The following WNT2B variants were observed in gnomAD, a reference collection of about 807,000 sequenced individuals.
WNT2B encodes protein Wnt-2b.
WNT2B carries 19 observed loss-of-function variants against 40.5 expected under a neutral mutation model. The ratio of observed to expected loss-of-function variants is 0.47; its 90% CI spans 0.33 to 0.69. WNT2B has a LOEUF of 0.69. WNT2B is among the 30% of genes least tolerant of loss of function. The pLI is 0.02. For synonymous variants in WNT2B, 220 were observed against 211.9 expected, an observed-to-expected ratio of 1.04 and a Z score of -0.33; for missense variants, 467 against 556.4, an observed-to-expected ratio of 0.84 and a Z score of 1.62.
chr1:112,497,572 T>A (rs2101070393), intron 1 of WNT2B, among the ~76,000 whole-genome samples: 1 of 152,356 alleles, frequency 6.6e-6, no homozygotes, highest in South Asian at 2.1e-4. Flanking sequence ...AAGCCTGTGA[T>A]GGGCACAACA....
intron 1 of WNT2B, among the ~76,000 whole-genome samples, chr1:112,479,282 A>C (rs1407587761): frequency 6.6e-6 from 1 of 151,666 alleles, no homozygotes; most frequent in African/African-American, 2.4e-5. Flanking sequence ...ATAAGACAAA[A>C]ATTTGCAGGG....
chr1:112,470,602 A>ATAAG (rs1405496347), intron 1 of WNT2B, among the ~76,000 whole-genome samples: 14 of 152,212 alleles, frequency 9.2e-5, no homozygotes, highest in African/African-American at 3.4e-4. Context: ...AAATAAATAA[A>ATAAG]TAATAAATCA....
At position 112,523,793 on chromosome 1, in the gene WNT2B, A is replaced by G. The variant is rs1452021196; in HGVS notation, c.*3284A>G. ...ACATACTATATATTTTAAGGATCTAAGAATCCTTTAGAGAAGGCACATGAC... is the reference window on the plus strand; with the variant it reads ...ACATACTATATATTTTAAGGATCTAGGAATCCTTTAGAGAAGGCACATGAC... On this transcript the variant is annotated 3_prime_UTR_variant, in exon 5 of 5. Coordinates refer to ENST00000369684, the MANE Select transcript of WNT2B (RefSeq NM_024494.3). 1.3e-5 allele frequency: 2 copies of G among 152,220 alleles called. No individual in the cohort carries two copies. The highest frequency in any genetic ancestry group is 1.3e-4 in the Admixed American group (2 of 15,284). 9.4% of individuals were successfully genotyped at this position (152,220 alleles called of 1,614,324 possible).
chr1:112,508,111 C>G (rs1652181572), upstream of WNT2B, among the ~76,000 whole-genome samples: 1 of 152,036 alleles, frequency 6.6e-6, no homozygotes, highest in East Asian at 1.9e-4. This position sits in a 1 kb window ranked among gnomAD's most constrained non-coding sequence, Gnocchi z 4.2. Flanking sequence ...AGGGCTTCCA[C>G]TCTCTCGGCA....
intron 1 of WNT2B, among the ~76,000 whole-genome samples, chr1:112,490,081 T>TA (rs1243787303): frequency 6.6e-6 from 1 of 152,074 alleles, no homozygotes; most frequent in African/African-American, 2.4e-5. Context: ...GGATGCCTAT[T>TA]ACCAGGGGAA....
At chr1:112,483,913 G>A (rs868204196) in intron 1 of WNT2B, among the ~76,000 whole-genome samples, 1 of 150,572 alleles carries the variant, frequency 6.6e-6, no homozygotes. Context: ...GAAATCATCG[G>A]AGAAATGCAA....
chr1:112,499,602 A>G (rs560719424), intron 1 of WNT2B, among the ~76,000 whole-genome samples: 1 of 152,336 alleles, frequency 6.6e-6, no homozygotes, highest in East Asian at 1.9e-4. Flanking sequence ...ACACCCATTC[A>G]TTAAACTCTC....
chr1:112,484,319 A>G (rs1651345717), intron 1 of WNT2B, among the ~76,000 whole-genome samples: 1 of 148,392 alleles, frequency 6.7e-6, no homozygotes, highest in African/African-American at 2.5e-5. Flanking sequence ...AGAGAGAGAG[A>G]GAGAAGAGGG....
rs1447606940 is a variant in WNT2B, at chr1:112,529,607, T to G, written c.*9098T>G. 6.6e-6 allele frequency: 1 copy of G among 152,148 alleles called. No homozygotes were observed. Among genetic ancestry groups the G allele is most frequent in the Non-Finnish European group, 1.5e-5 (1 of 68,026 alleles). 9.4% of individuals were successfully genotyped at this position (152,148 alleles called of 1,614,324 possible). On this transcript the variant is annotated 3_prime_UTR_variant, in exon 5 of 5. Transcript: ENST00000369684. ...CAGAGAAGCTATTATAAGATAGGCATAGAGACAGAAGTCTCAACTTGTATA... is the reference window on the plus strand; with the variant it reads ...CAGAGAAGCTATTATAAGATAGGCAGAGAGACAGAAGTCTCAACTTGTATA...
intron 1 of WNT2B, among the ~76,000 whole-genome samples, chr1:112,494,097 A>C (rs1242555512): frequency 2.0e-5 from 3 of 149,218 alleles, no homozygotes; most frequent in Non-Finnish European, 4.4e-5. Flanking sequence ...ATTGCCTGAG[A>C]TCAGGAGTTC....
chr1:112,504,557 C>A (rs1262196156), upstream of WNT2B, among the ~76,000 whole-genome samples: 1 of 152,112 alleles, frequency 6.6e-6, no homozygotes, highest in Admixed American at 6.5e-5. Context: ...CCACTCTTTT[C>A]CCCCCTTAAC....
rs113200782 is a variant in WNT2B at position 112,475,797 on chromosome 1, T to C, written c.-95+8206T>C. On this transcript the variant is annotated intron_variant, in intron 1 of 4. Coordinates refer to the WNT2B transcript ENST00000256640. ...AACCTATGGTAGAAAAATAACATTA[T>C]TGATTTAAGCTAACTATATGAATAA... Among the ~76,000 whole-genome samples, 1,341 of 152,260 alleles carry C rather than the reference T, an allele frequency of 8.8e-3. 24 individuals are homozygous for C. Among genetic ancestry groups the C allele is most frequent in the African/African-American group, 0.031 (1,292 of 41,560 alleles).
In WNT2B at chr1:112,520,302, T is replaced by A. The variant is rs1652799201; in HGVS notation, c.969T>A (p.Arg323=). 1 of 1,614,002 alleles carries A rather than the reference T, an allele frequency of 6.2e-7. No individual in the cohort carries two copies. Among genetic ancestry groups the A allele is most frequent in the South Asian group, 1.1e-5 (1 of 91,060 alleles). ...KAAGSLGTAG[R]VCSKTSKGTD... ...CAGGTTCCCTAGGCACTGCAGGCCG[T>A]GTCTGCAGCAAGACATCAAAAGGAA... Residue 323 remains arginine (R), a synonymous_variant, in exon 5 of 5, where the codon CGT becomes CGA. Transcript: ENST00000369684.
intron 1 of WNT2B, among the ~76,000 whole-genome samples, chr1:112,484,728 C>G (rs1049221352): frequency 2.5e-4 from 36 of 146,392 alleles, no homozygotes; most frequent in Non-Finnish European, 4.5e-4. Context: ...GGTGACAGAG[C>G]AAGACTCCCT....
intron 1 of WNT2B, among the ~76,000 whole-genome samples, chr1:112,491,406 C>CAATA (rs1280538132): frequency 3.9e-5 from 6 of 151,980 alleles, no homozygotes; most frequent in African/African-American, 1.2e-4. Context: ...GACTCCGTCT[C>CAATA]AATAAATAAA....
chr1:112,502,731 G>C (rs895855980), intron 1 of WNT2B, among the ~76,000 whole-genome samples: 1 of 151,920 alleles, frequency 6.6e-6, no homozygotes, highest in Non-Finnish European at 1.5e-5. Context: ...AGAGGAGGAG[G>C]GGGTGGGTTC....
intron 1 of WNT2B, among the ~76,000 whole-genome samples, chr1:112,503,374 A>G (rs1378582822): frequency 3.3e-5 from 5 of 152,098 alleles, no homozygotes; most frequent in Non-Finnish European, 7.4e-5. Flanking sequence ...GAGTTGGGGG[A>G]AAAAACCCTC....
chr1:112,505,094 C>G (rs1652070304), upstream of WNT2B, among the ~76,000 whole-genome samples: 1 of 152,218 alleles, frequency 6.6e-6, no homozygotes, highest in African/African-American at 2.4e-5. Flanking sequence ...GACCCTTCTT[C>G]TTTGGGCACC....
In WNT2B at chr1:112,514,934, G is replaced by A. The variant is rs1359154516; in HGVS notation, c.243G>A (p.Arg81=). The A allele has an allele frequency of 3.7e-6, 6 of 1,614,252 alleles. No homozygotes were observed. Among genetic ancestry groups the A allele is most frequent in the Admixed American group, 3.3e-5 (2 of 60,034 alleles). The change falls in exon 2 of 5, where the codon CGG becomes CGA. Residue 81 remains arginine, a synonymous_variant. Transcript: ENST00000369684. ...ICDNIPGLVS[R]QRQLCQRYPD... is the part of the protein sequence containing the mutation. ...ACAATATCCCTGGTTTGGTGAGCCG[G>A]CAGCGGCAGCTGTGCCAGCGTTACC...
Sources: gnomAD v4.1 joint callset for allele counts (sites outside exome capture counted in the v4.1 genomes callset) on GRCh38, gnomAD v4.1.1 for gene constraint, Gnocchi (gnomAD v3.1) non-coding constraint, MANE v1.5 for transcripts, NCBI Gene and HGNC (gene_info 2026-07-23, HGNC 2026-07-21) for gene names.